RASA1: variants seen among roughly 807,000 people sequenced by gnomAD.
The protein encoded by RASA1 is RAS p21 protein activator 1.
A neutral mutation model predicts 132.2 loss-of-function variants in RASA1; 25 were observed. The observed-to-expected ratio is 0.19, with a 90% confidence interval of 0.14 to 0.26. The LOEUF is 0.26. Among genes scored for constraint, RASA1 ranks in the 10% least tolerant of loss-of-function variants. The pLI is 1.00. For missense variants in RASA1, 964 were observed against 1,299.2 expected (o/e 0.74, Z 3.97); for synonymous variants, 477 against 449.9 (o/e 1.06, Z -0.76).
Position 87,347,105 on chromosome 5 carries a change from T to C in RASA1, c.1102+381T>C, listed in dbSNP as rs551890443. ...ATATATATTGGGAGATGATTCTGTATCTGCAGATAAAAACTTTCATTACTC... is the reference window on the plus strand; with the variant it reads ...ATATATATTGGGAGATGATTCTGTACCTGCAGATAAAAACTTTCATTACTC... On this transcript the variant is annotated intron_variant, in intron 7 of 24. Coordinates refer to ENST00000274376, the MANE Select transcript of RASA1 (RefSeq NM_002890.3). Among the ~76,000 whole-genome samples the C allele has an allele frequency of 2.0e-4, 31 of 152,132 alleles. 1 individual carries two copies. The South Asian group carries it at 5.6e-3, about 27-fold the overall frequency.
chr5:87,357,809 G>A (rs773640031), intron 9 of RASA1, among the ~76,000 whole-genome samples: 26 of 152,138 alleles, frequency 1.7e-4, no homozygotes, highest in Non-Finnish European at 3.2e-4. Flanking sequence ...CCTTGCTCTT[G>A]TGTTAGTTTT....
At chr5:87,271,465 T>TC in intron 1 of RASA1, among the ~76,000 whole-genome samples, 1 of 124,444 alleles carries the variant, frequency 8.0e-6, no homozygotes, top group South Asian at 3.2e-4. Context: ...TTTTTTTTTT[T>TC]TTTTTTTTTT....
intron 17 of RASA1, chr5:87,377,293 C>T (rs1376892876): frequency 8.0e-6 from 4 of 499,444 alleles, no homozygotes; most frequent in East Asian, 3.8e-5. Flanking sequence ...TCTGTGTCTA[C>T]ATCAATGGCT....
At chr5:87,282,065 G>T (rs1034073316) in intron 1 of RASA1, among the ~76,000 whole-genome samples, 3 of 151,660 alleles carry the variant, frequency 2.0e-5, no homozygotes, top group Admixed American at 1.3e-4. Context: ...CAGCTTACTT[G>T]TTTTTTTCTT....
At position 87,370,668 on chromosome 5, in the gene RASA1, T is replaced by A. The variant is rs564315247; in HGVS notation, c.1698+768T>A. Among the ~76,000 whole-genome samples the A allele has an allele frequency of 3.9e-5, 6 of 152,192 alleles. No individual in the cohort carries two copies. In the South Asian group the frequency reaches 1.0e-3, roughly 26 times the overall value. On this transcript the variant is annotated intron_variant, in intron 12 of 24. Coordinates refer to ENST00000274376, the MANE Select transcript of RASA1 (RefSeq NM_002890.3). ...AACTGAGACACTGTCTCTTAAAAAA[T>A]TTTTTTGCTTTCTTTGAACCCTAAT... is the stretch of plus-strand genomic sequence containing the variant.
At chr5:87,368,602 T>C (rs1358771262) in intron 11 of RASA1, among the ~76,000 whole-genome samples, 1 of 152,220 alleles carries the variant, frequency 6.6e-6, no homozygotes, top group East Asian at 1.9e-4. Flanking sequence ...GTTCTATTTC[T>C]GGTTTGCCCT....
intron 9 of RASA1, among the ~76,000 whole-genome samples, chr5:87,362,152 T>C (rs568804101): frequency 3.9e-5 from 6 of 152,318 alleles, no homozygotes; most frequent in South Asian, 2.1e-4. Context: ...ACAGACACAA[T>C]TGTGCATAGG....
intron 16 of RASA1, 83 bp from the exon 17 acceptor site, chr5:87,376,798 G>A: frequency 4.3e-6 from 6 of 1,398,850 alleles, no homozygotes; most frequent in Non-Finnish European, 6.0e-6. Context: ...AAGAACTTGT[G>A]AAAGAACATA....
At chr5:87,390,674 A>G (rs1762446832) in intron 24 of RASA1, 126 bp from the exon 25 acceptor site, 1 of 767,454 alleles carries the variant, frequency 1.3e-6, no homozygotes, top group Non-Finnish European at 2.3e-6. Flanking sequence ...TTATGTTTTG[A>G]GGGGAATTGT....
intron 1 of RASA1, among the ~76,000 whole-genome samples, chr5:87,292,729 C>T (rs567168808): frequency 9.4e-4 from 143 of 152,192 alleles, no homozygotes; most frequent in African/African-American, 3.3e-3. Context: ...CAAATCTGTA[C>T]GTCAAGTTGG....
intron 15 of RASA1, among the ~76,000 whole-genome samples, chr5:87,375,755 G>A (rs542981715): frequency 3.3e-5 from 5 of 152,184 alleles, no homozygotes; most frequent in African/African-American, 7.2e-5. Flanking sequence ...GGTGAATTAG[G>A]TTAATACCTT....
At chr5:87,298,842 A>T (rs1755232871) in intron 1 of RASA1, among the ~76,000 whole-genome samples, 1 of 152,226 alleles carries the variant, frequency 6.6e-6, no homozygotes, top group African/African-American at 2.4e-5. Context: ...TAGCCAGTTA[A>T]CAAGTGTCAG....
At chr5:87,301,010 G>A (rs1292396584) in intron 1 of RASA1, among the ~76,000 whole-genome samples, 1 of 152,190 alleles carries the variant, frequency 6.6e-6, no homozygotes, top group African/African-American at 2.4e-5. Context: ...CAACCACTTA[G>A]TCTTAGGCTG....
chr5:87,269,959 C>T (rs971041307), intron 1 of RASA1, among the ~76,000 whole-genome samples: 3 of 152,038 alleles, frequency 2.0e-5, no homozygotes, highest in South Asian at 4.2e-4. Context: ...TTTTAACAAC[C>T]GGCCGGGCGC....
intron 14 of RASA1, 139 bp downstream of exon 14, chr5:87,374,459 A>T (rs751821556): frequency 0.016 from 2,691 of 167,628 alleles, 56 homozygotes; most frequent in African/African-American, 0.053. Flanking sequence ...ATATATATAT[A>T]TTTTTTTTTT....
At position 87,338,535 on chromosome 5, in the gene RASA1, A is replaced by ATTTTTTTTTT. The variant is rs1561292521; in HGVS notation, c.1017+444_1017+445insTTTTTTTTTT. 4.9e-4 allele frequency among the ~76,000 whole-genome samples: 47 copies of ATTTTTTTTTT among 95,884 alleles called. 1 individual carries two copies. Among genetic ancestry groups the ATTTTTTTTTT allele is most frequent in the African/African-American group, 2.2e-3 (45 of 20,930 alleles). The allele number at this position is 95,884 out of a possible 152,430, so 62.9% of individuals were successfully genotyped here. Reference sequence around the variant, plus strand: ...TATATATATATATATATATATATAAAATTTTTTTTTTTTTTAAGTAGAAAT... The same window carrying ATTTTTTTTTT: ...TATATATATATATATATATATATAAATTTTTTTTTTATTTTTTTTTTTTTTAAGTAGAAAT... On this transcript the variant is annotated intron_variant, in intron 5 of 24. Coordinates refer to ENST00000274376, the MANE Select transcript of RASA1 (RefSeq NM_002890.3).
At chr5:87,291,995 T>A (rs1754929281) in intron 1 of RASA1, among the ~76,000 whole-genome samples, 1 of 152,236 alleles carries the variant, frequency 6.6e-6, no homozygotes, top group Non-Finnish European at 1.5e-5. Context: ...TCTGTTCAGG[T>A]CTTTTGCCCA....
chr5:87,318,060 G>T (rs1756483896), intron 1 of RASA1, among the ~76,000 whole-genome samples: 1 of 151,924 alleles, frequency 6.6e-6, no homozygotes, highest in South Asian at 2.1e-4. Flanking sequence ...TAGAGTAATG[G>T]TACTACCATT....
At chr5:87,271,255 C>CA (rs962068217) in intron 1 of RASA1, among the ~76,000 whole-genome samples, 8 of 151,416 alleles carry the variant, frequency 5.3e-5, no homozygotes, top group East Asian at 1.9e-4. Context: ...AACAAACAAA[C>CA]AAAAAAACAA....
Sources: allele counts gnomAD v4.1 joint callset (sites outside exome capture counted in the v4.1 genomes callset), GRCh38; gene constraint gnomAD v4.1.1; transcripts MANE v1.5; gene names NCBI Gene and HGNC (gene_info 2026-07-23, HGNC 2026-07-21).